FHIT: variants seen among roughly 807,000 people sequenced by gnomAD.
FHIT encodes fragile histidine triad diadenosine triphosphatase, also known as bis(5'-adenosyl)-triphosphatase.
A neutral mutation model predicts 17.9 loss-of-function variants in FHIT; 19 were observed. The ratio of observed to expected loss-of-function variants is 1.06; its 90% CI spans 0.74 to 1.56. The LOEUF (loss-of-function observed/expected upper bound fraction) is 1.56, where lower values mean the gene tolerates loss of function less well. Among genes scored for constraint, FHIT ranks in the 40% most tolerant of loss-of-function variants. The probability of loss-of-function intolerance (pLI) is 0.00; values close to 1 mark genes in which losing one functional copy is unlikely to be tolerated. For missense variants in FHIT, 248 were observed against 189.2 expected, an observed-to-expected ratio of 1.31 and a Z score of -1.82; for synonymous variants, 81 against 69.7, an observed-to-expected ratio of 1.16 and a Z score of -0.81.
intron 4 of FHIT, among the ~76,000 whole-genome samples, chr3:60,806,643 G>A (rs1701400163): frequency 6.6e-6 from 1 of 152,112 alleles, no homozygotes; most frequent in South Asian, 2.1e-4. Flanking sequence ...CTTTTTACCT[G>A]GTAGGAGGAT....
At chr3:59,844,956 C>T (rs1559655409) in intron 8 of FHIT, among the ~76,000 whole-genome samples, 1 of 152,066 alleles carries the variant, frequency 6.6e-6, no homozygotes, top group Non-Finnish European at 1.5e-5. Context: ...GATTACTGAT[C>T]ACTGATTTAA....
intron 5 of FHIT, among the ~76,000 whole-genome samples, chr3:60,033,727 T>C (rs538319117): frequency 6.6e-6 from 1 of 152,202 alleles, no homozygotes; most frequent in Non-Finnish European, 1.5e-5. Context: ...AAACAGGCCA[T>C]CCTTTGTATT....
chr3:61,194,550 A>G lies in FHIT; in HGVS notation c.-164+6067T>C, dbSNP rs186391828. Among the ~76,000 whole-genome samples the G allele has an allele frequency of 2.9e-3, 437 of 152,332 alleles. 2 individuals are homozygous for G. The highest frequency in any genetic ancestry group is 0.01 in the African/African-American group (422 of 41,584). ...TATTAAATATTTTCAAAACATTCCAATAAAAGGCAATACCAAACGGCTTTT... is the reference window on the plus strand; with the variant it reads ...TATTAAATATTTTCAAAACATTCCAGTAAAAGGCAATACCAAACGGCTTTT... On this transcript the variant is annotated intron_variant, in intron 2 of 9. Transcript: ENST00000492590.
chr3:60,920,958 C>T (rs1182896947), intron 3 of FHIT, among the ~76,000 whole-genome samples: 2 of 152,264 alleles, frequency 1.3e-5, no homozygotes, highest in East Asian at 3.9e-4. Flanking sequence ...AAATTGTAAA[C>T]TGCCGCAGAC....
chr3:59,774,936 A>C (rs758602508), intron 8 of FHIT, among the ~76,000 whole-genome samples: 4 of 152,146 alleles, frequency 2.6e-5, no homozygotes, highest in Non-Finnish European at 4.4e-5. Context: ...CATCAGCATC[A>C]CTTGGGAGCT....
chr3:59,814,962 C>T (rs920961026), intron 8 of FHIT, among the ~76,000 whole-genome samples: 1 of 152,238 alleles, frequency 6.6e-6, no homozygotes, highest in Non-Finnish European at 1.5e-5. Flanking sequence ...CATTCCAGCT[C>T]ATGAGCATAA....
chr3:59,769,337 T>G (rs1254037004), intron 8 of FHIT, among the ~76,000 whole-genome samples: 2 of 152,166 alleles, frequency 1.3e-5, no homozygotes, highest in Non-Finnish European at 2.9e-5. Context: ...GTGCCCTCTC[T>G]GTGCTGGCCC....
intron 5 of FHIT, among the ~76,000 whole-genome samples, chr3:60,164,609 CA>C (rs5849338): frequency 0.33 from 47,865 of 144,190 alleles, 8,279 homozygotes; most frequent in East Asian, 0.7. Context: ...AGTAATTGGT[CA>C]AAAAAAAAAA....
At chr3:60,182,745 T>C (rs1422665623) in intron 5 of FHIT, among the ~76,000 whole-genome samples, 1 of 152,056 alleles carries the variant, frequency 6.6e-6, no homozygotes, top group Non-Finnish European at 1.5e-5. Context: ...ATGGCACCAC[T>C]GCACTGCAGC....
At chr3:60,692,779 C>T (rs1370805565) in intron 4 of FHIT, among the ~76,000 whole-genome samples, 5 of 152,258 alleles carry the variant, frequency 3.3e-5, no homozygotes, top group Admixed American at 6.5e-5. Context: ...AATATATGAC[C>T]ATTTATTTGA....
chr3:60,301,601 C>G (rs1238742755), intron 5 of FHIT, among the ~76,000 whole-genome samples: 1 of 152,106 alleles, frequency 6.6e-6, no homozygotes, highest in Admixed American at 6.6e-5. Context: ...TTTGACATAC[C>G]CCCCAGTTTC....
At chr3:61,140,481 T>C (rs892300407) in intron 2 of FHIT, among the ~76,000 whole-genome samples, 1 of 152,172 alleles carries the variant, frequency 6.6e-6, no homozygotes, top group Non-Finnish European at 1.5e-5. Context: ...CGGCTTTGCT[T>C]TGATCATAAT....
chr3:60,975,995 T>C (rs1361391616), intron 3 of FHIT, among the ~76,000 whole-genome samples: 1 of 152,076 alleles, frequency 6.6e-6, no homozygotes, highest in Non-Finnish European at 1.5e-5. Context: ...TCTTAGACCG[T>C]TTATTAACTT....
At chr3:60,413,739 T>C (rs541689812) in intron 5 of FHIT, among the ~76,000 whole-genome samples, 9 of 152,280 alleles carry the variant, frequency 5.9e-5, no homozygotes, top group African/African-American at 2.2e-4. Context: ...ACTGGTAGTA[T>C]GTAGTTGTCC....
chr3:60,937,349 A>T (rs987240949), intron 3 of FHIT, among the ~76,000 whole-genome samples: 1 of 152,164 alleles, frequency 6.6e-6, no homozygotes, highest in Non-Finnish European at 1.5e-5. Context: ...TCAGACACAG[A>T]GGGCTCTTCA....
intron 5 of FHIT, among the ~76,000 whole-genome samples, chr3:60,070,045 T>C (rs560282060): frequency 1.3e-5 from 2 of 152,276 alleles, no homozygotes; most frequent in South Asian, 4.1e-4. Context: ...CTACATGCTT[T>C]TATTGCTCCC....
chr3:60,696,653 G>A (rs1293114779), intron 4 of FHIT, among the ~76,000 whole-genome samples: 2 of 152,150 alleles, frequency 1.3e-5, no homozygotes, highest in Admixed American at 6.5e-5. Context: ...GTGGATCAGA[G>A]GGCTGGGCTC....
At chr3:60,518,676 G>T (rs113935835) in intron 5 of FHIT, among the ~76,000 whole-genome samples, 264 of 152,254 alleles carry the variant, frequency 1.7e-3, no homozygotes, top group African/African-American at 6.2e-3. Context: ...AATTATAGTA[G>T]ATCCATATGG....
At chr3:60,055,834 C>G (rs918082210) in intron 5 of FHIT, among the ~76,000 whole-genome samples, 62 of 152,142 alleles carry the variant, frequency 4.1e-4, no homozygotes, top group African/African-American at 1.4e-3. Flanking sequence ...TACACTCACT[C>G]CCCACTCCCA....
Sources: allele counts gnomAD v4.1 joint callset (sites outside exome capture counted in the v4.1 genomes callset), GRCh38; gene constraint gnomAD v4.1.1; transcripts MANE v1.5; gene names NCBI Gene and HGNC (gene_info 2026-07-23, HGNC 2026-07-21).